Variants in FGF1 observed in about 807,000 individuals in gnomAD.
FGF1 encodes the protein fibroblast growth factor 1.
Under a neutral mutation model 13.4 loss-of-function variants are expected in FGF1, and 9 were observed. The ratio of observed to expected loss-of-function variants is 0.67; its 90% CI spans 0.40 to 1.17. FGF1 has a LOEUF of 1.17. Among genes scored for constraint, FGF1 ranks in the 50% most tolerant of loss-of-function variants. FGF1 has a pLI of 0.01. For missense variants in FGF1, 156 were observed against 192.7 expected (o/e 0.81, Z 1.13); for synonymous variants, 93 against 79.0 (o/e 1.18, Z -0.94).
At chr5:142,632,988 C>T (rs962589616) in intron 1 of FGF1, among the ~76,000 whole-genome samples, 12 of 150,936 alleles carry the variant, frequency 8.0e-5, no homozygotes, top group African/African-American at 2.4e-4. Flanking sequence ...GGCACAATCT[C>T]GGCTCACTGC....
intron 2 of FGF1, among the ~76,000 whole-genome samples, chr5:142,694,719 C>T (rs1752831386): frequency 6.6e-6 from 1 of 152,136 alleles, no homozygotes; most frequent in African/African-American, 2.4e-5. Flanking sequence ...ATTCTAAAGC[C>T]TACCCTCTAG....
At chr5:142,689,560 G>GC (rs2152066978), upstream of FGF1, among the ~76,000 whole-genome samples, 1 of 152,122 alleles carries the variant, frequency 6.6e-6, no homozygotes, top group South Asian at 2.1e-4. Flanking sequence ...GCGCTTGCCC[G>GC]CCGCTGGTTA....
intron 1 of FGF1, among the ~76,000 whole-genome samples, chr5:142,657,289 A>G (rs772688926): frequency 4.6e-5 from 7 of 152,128 alleles, no homozygotes; most frequent in Non-Finnish European, 7.4e-5. Context: ...TGTCCACTGA[A>G]TCTTTCCCTT....
chr5:142,687,249 G>C (rs1408606380), upstream of FGF1, among the ~76,000 whole-genome samples: 1 of 152,128 alleles, frequency 6.6e-6, no homozygotes, highest in Non-Finnish European at 1.5e-5. Context: ...TACCTCCTCT[G>C]GGTAGTTGCT....
At chr5:142,624,442 A>G (rs1442179225) in intron 1 of FGF1, among the ~76,000 whole-genome samples, 1 of 152,236 alleles carries the variant, frequency 6.6e-6, no homozygotes, top group African/African-American at 2.4e-5. Context: ...ATTGTCATTT[A>G]TAAGCACTGA....
chr5:142,681,525 A>G (rs1180333574), intron 1 of FGF1, among the ~76,000 whole-genome samples: 1 of 152,166 alleles, frequency 6.6e-6, no homozygotes, highest in Non-Finnish European at 1.5e-5. Context: ...CAAGGTTGAG[A>G]TTCTACCTAT....
At chr5:142,622,886 G>A (rs1761881451) in intron 1 of FGF1, among the ~76,000 whole-genome samples, 1 of 152,248 alleles carries the variant, frequency 6.6e-6, no homozygotes, top group Admixed American at 6.5e-5. Context: ...TCTGTTCCAT[G>A]AGCTGAAATC....
intron 2 of FGF1, among the ~76,000 whole-genome samples, chr5:142,601,883 C>A (rs192057341): frequency 2.0e-5 from 3 of 152,204 alleles, no homozygotes; most frequent in Admixed American, 2.0e-4. Flanking sequence ...TTTATTCACC[C>A]TAGGGTGCCC....
At chr5:142,609,160 A>G (rs547862919) in intron 2 of FGF1, among the ~76,000 whole-genome samples, 2 of 152,298 alleles carry the variant, frequency 1.3e-5, no homozygotes, top group African/African-American at 4.8e-5. Flanking sequence ...CCCTTTAGAA[A>G]GGGCTGCAAG....
At position 142,651,017 on chromosome 5, in the gene FGF1, G is replaced by A. The variant is rs185961698; in HGVS notation, c.-35+34940C>T. Among the ~76,000 whole-genome samples the A allele has an allele frequency of 9.4e-4, 143 of 152,270 alleles. 1 individual carries two copies. The highest frequency in any genetic ancestry group is 3.3e-3 in the African/African-American group (135 of 41,538). On this transcript the variant is annotated intron_variant, in intron 1 of 3. Transcript: ENST00000337706. ...CCCACTGAGAGCCAAGTGTGTTAAT[G>A]GGAGGGTGGTGCAAACGCAGCTTCA...
rs181623071 is a variant in FGF1, at chr5:142,614,165, T to C, written c.-34-4A>G. On this transcript the variant is annotated splice_polypyrimidine_tract_variant and splice_region_variant and intron_variant, in intron 1 of 3. Coordinates refer to ENST00000337706, the MANE Select transcript of FGF1 (RefSeq NM_000800.5). The stretch of plus-strand genomic sequence containing the variant: ...GCTGCTTGTGGCGCTTTCAAGACTG[T>C]AAGAAATTGAACAAACCTGTAGTCG... The C allele has an allele frequency of 4.3e-6, 7 of 1,610,702 alleles. No homozygotes were observed. The African/African-American group carries it at 8.0e-5, about 18-fold the overall frequency.
intron 1 of FGF1, among the ~76,000 whole-genome samples, chr5:142,640,403 G>A (rs1383599484): frequency 6.8e-6 from 1 of 146,118 alleles, no homozygotes; most frequent in East Asian, 2.1e-4. Flanking sequence ...GAAGGGGAGA[G>A]TGCACCAGGA....
At chr5:142,669,716 G>T (rs149822456) in intron 1 of FGF1, among the ~76,000 whole-genome samples, 303 of 152,320 alleles carry the variant, frequency 2.0e-3, no homozygotes, top group African/African-American at 7.0e-3. Context: ...GCAGGCAGTG[G>T]ACGCGAGCTC....
chr5:142,667,800 A>G (rs1381844515), intron 1 of FGF1, among the ~76,000 whole-genome samples: 1 of 152,156 alleles, frequency 6.6e-6, no homozygotes, highest in South Asian at 2.1e-4. Flanking sequence ...GGCTACTTCC[A>G]GCCTCATCCA....
chr5:142,646,513 C>T (rs561044324), intron 1 of FGF1, among the ~76,000 whole-genome samples: 17 of 152,170 alleles, frequency 1.1e-4, no homozygotes, highest in South Asian at 4.1e-4. Flanking sequence ...CCACCACGCC[C>T]GGCTACTTTT....
In FGF1 at chr5:142,593,134, A is replaced by G. The variant is rs897835353; in HGVS notation, c.*2156T>C. On this transcript the variant is annotated 3_prime_UTR_variant, in exon 4 of 4. Transcript: ENST00000337706. ...CAGACTTCCATTTCACAAGTTAGCA[A>G]TGGTATTTAATTTTCCTTGGCCAAT... 6.6e-6 allele frequency: 1 copy of G among 152,172 alleles called. No individual in the cohort carries two copies. Among genetic ancestry groups the G allele is most frequent in the Non-Finnish European group, 1.5e-5 (1 of 68,028 alleles). The allele number at this position is 152,172 out of a possible 1,614,324, so 9.4% of individuals were successfully genotyped here. A position where few individuals can be genotyped will look rare whatever the true frequency, so the allele number is the denominator to read the frequency against.
intron 1 of FGF1, among the ~76,000 whole-genome samples, chr5:142,681,369 T>C (rs1427785689): frequency 6.6e-6 from 1 of 152,208 alleles, no homozygotes; most frequent in Non-Finnish European, 1.5e-5. Context: ...ACGCTTGCTG[T>C]GCTTGGGGCT....
intron 1 of FGF1, among the ~76,000 whole-genome samples, chr5:142,655,991 G>T (rs926280060): frequency 2.6e-5 from 4 of 152,066 alleles, no homozygotes; most frequent in Non-Finnish European, 5.9e-5. Context: ...GTGAGGGAGG[G>T]TTTTCCTCAC....
chr5:142,625,720 C>T (rs1009515639), intron 1 of FGF1, among the ~76,000 whole-genome samples: 14 of 152,356 alleles, frequency 9.2e-5, no homozygotes, highest in African/African-American at 3.4e-4. Context: ...TCTGCAGGGG[C>T]TCTGGCAGCC....
Sources: allele counts gnomAD v4.1 joint callset (sites outside exome capture counted in the v4.1 genomes callset), GRCh38; gene constraint gnomAD v4.1.1; transcripts MANE v1.5; gene names NCBI Gene and HGNC (gene_info 2026-07-23, HGNC 2026-07-21).